GRIN3A: variants seen among roughly 807,000 people sequenced by gnomAD.
The protein encoded by GRIN3A is glutamate receptor ionotropic, NMDA 3A.
Under a neutral mutation model 92.4 loss-of-function variants are expected in GRIN3A, and 47 were observed. The ratio of observed to expected loss-of-function variants is 0.51; its 90% CI spans 0.40 to 0.65. The LOEUF (loss-of-function observed/expected upper bound fraction) is 0.65, where lower values mean the gene tolerates loss of function less well. Ranked by LOEUF, GRIN3A falls within the 30% of genes least tolerant of loss-of-function variation. The probability of loss-of-function intolerance (pLI) is 0.00; values close to 1 mark genes in which losing one functional copy is unlikely to be tolerated. For synonymous variants in GRIN3A, 527 were observed against 540.6 expected (o/e 0.97, Z 0.35); for missense variants, 1,324 against 1,393.1 (o/e 0.95, Z 0.79).
intron 6 of GRIN3A, among the ~76,000 whole-genome samples, chr9:101,588,695 G>A: frequency 6.6e-6 from 1 of 151,996 alleles, no homozygotes; most frequent in East Asian, 1.9e-4. Flanking sequence ...ATGACCATAT[G>A]CACACATATT....
intron 3 of GRIN3A, among the ~76,000 whole-genome samples, chr9:101,647,113 A>G (rs1828947959): frequency 1.3e-5 from 2 of 151,962 alleles, no homozygotes; most frequent in African/African-American, 2.4e-5. Context: ...CCCATTCAGT[A>G]TGATACTAGC....
At chr9:101,706,915 T>A (rs1291631815) in intron 1 of GRIN3A, among the ~76,000 whole-genome samples, 1 of 152,192 alleles carries the variant, frequency 6.6e-6, no homozygotes, top group Non-Finnish European at 1.5e-5. Context: ...GGGAGATTGA[T>A]CTCCCTTTTT....
chr9:101,610,574 C>CATCTATCT (rs145593614), intron 6 of GRIN3A, among the ~76,000 whole-genome samples: 2,315 of 139,438 alleles, frequency 0.017, 24 homozygotes, highest in East Asian at 0.02. Context: ...AGCTTGCATC[C>CATCTATCT]ATCTATCTAT....
intron 1 of GRIN3A, among the ~76,000 whole-genome samples, chr9:101,723,515 T>C (rs1410399928): frequency 6.6e-6 from 1 of 152,010 alleles, no homozygotes; most frequent in Non-Finnish European, 1.5e-5. Flanking sequence ...GCTTCCACAG[T>C]GTGGAAAGGG....
chr9:101,598,017 T>C (rs954674388), intron 6 of GRIN3A, among the ~76,000 whole-genome samples: 8 of 152,302 alleles, frequency 5.3e-5, no homozygotes, highest in African/African-American at 1.7e-4. Context: ...TGGTTCTCTG[T>C]GAGATCAGTA....
chr9:101,579,108 T>C, intron 7 of GRIN3A, 88 bp downstream of exon 7: 1 of 1,344,952 alleles, frequency 7.4e-7, no homozygotes, highest in South Asian at 1.2e-5. Flanking sequence ...TAACATAACT[T>C]AGTAGTCTGA....
Position 101,737,949 on chromosome 9 carries a change from T to A in GRIN3A, c.31A>T (p.Ser11Cys). The A allele has an allele frequency of 2.0e-6, 3 of 1,537,642 alleles. No individual in the cohort carries two copies. Among genetic ancestry groups the A allele is most frequent in the Non-Finnish European group, 2.6e-6 (3 of 1,148,490 alleles). Residue 11 changes from serine to cysteine, a missense_variant, in exon 1 of 9, where the codon AGC becomes TGC. Physicochemically the swap from Ser to Cys is moderately radical, Grantham distance 112. Coordinates refer to ENST00000361820, the MANE Select transcript of GRIN3A (RefSeq NM_133445.3). Reference sequence around the variant, plus strand: ...GGCGGCAACAGCAGACAGACCCTGCTCAGCAGCCACCACAAACTCAGTCTC... The same window carrying A: ...GGCGGCAACAGCAGACAGACCCTGCACAGCAGCCACCACAAACTCAGTCTC... MRRLSLWWLL[S>C]RVCLLLPPPC...
At chr9:101,659,321 T>C (rs1829137928) in intron 3 of GRIN3A, among the ~76,000 whole-genome samples, 1 of 151,552 alleles carries the variant, frequency 6.6e-6, no homozygotes, top group Admixed American at 6.6e-5. Flanking sequence ...TAAATATTTA[T>C]AGATATCTTA....
At chr9:101,665,524 A>T (rs538039745) in intron 3 of GRIN3A, among the ~76,000 whole-genome samples, 1 of 152,052 alleles carries the variant, frequency 6.6e-6, no homozygotes, top group Admixed American at 6.6e-5. Context: ...TGTAAGGGGA[A>T]CCATCCTAAT....
At chr9:101,612,628 G>T (rs1828381791) in intron 6 of GRIN3A, among the ~76,000 whole-genome samples, 1 of 151,952 alleles carries the variant, frequency 6.6e-6, no homozygotes, top group African/African-American at 2.4e-5. Context: ...GGCTGACCTT[G>T]TTCAGGTATA....
intron 6 of GRIN3A, among the ~76,000 whole-genome samples, chr9:101,582,580 A>G (rs778766858): frequency 1.3e-5 from 2 of 152,200 alleles, no homozygotes; most frequent in Non-Finnish European, 2.9e-5. Context: ...TAAACCTGAC[A>G]TGCAGAAAGT....
intron 8 of GRIN3A, among the ~76,000 whole-genome samples, chr9:101,576,659 T>C (rs931524869): frequency 1.3e-5 from 2 of 152,040 alleles, no homozygotes; most frequent in African/African-American, 4.8e-5. Context: ...ATAGAAAAAA[T>C]AGATGTAACA....
chr9:101,673,606 T>C (rs1228959933), intron 2 of GRIN3A, among the ~76,000 whole-genome samples: 1 of 152,164 alleles, frequency 6.6e-6, no homozygotes, highest in East Asian at 1.9e-4. Flanking sequence ...TAGCAAAATA[T>C]AAATGCTCAC....
intron 5 of GRIN3A, among the ~76,000 whole-genome samples, chr9:101,616,621 T>C (rs1346559408): frequency 6.6e-6 from 1 of 151,770 alleles, no homozygotes. Context: ...CAAGCCTTTT[T>C]CTTTTAAAGA....
chr9:101,633,470 A>T (rs989035703), intron 3 of GRIN3A, among the ~76,000 whole-genome samples: 1 of 152,166 alleles, frequency 6.6e-6, no homozygotes, highest in Non-Finnish European at 1.5e-5. Flanking sequence ...CTAATGTCTG[A>T]GTCATCAGTG....
At chr9:101,706,928 C>T (rs1455282468) in intron 1 of GRIN3A, among the ~76,000 whole-genome samples, 1 of 152,006 alleles carries the variant, frequency 6.6e-6, no homozygotes, top group African/African-American at 2.4e-5. Flanking sequence ...CCCTTTTTTC[C>T]CTTCTCACTT....
At chr9:101,674,116 T>C (rs1829362659) in intron 2 of GRIN3A, among the ~76,000 whole-genome samples, 1 of 151,918 alleles carries the variant, frequency 6.6e-6, no homozygotes, top group South Asian at 2.1e-4. Flanking sequence ...TGTGAGCTGT[T>C]TGACGATAAG....
At chr9:101,674,447 T>A (rs768004652) in intron 2 of GRIN3A, among the ~76,000 whole-genome samples, 1 of 151,824 alleles carries the variant, frequency 6.6e-6, no homozygotes, top group Non-Finnish European at 1.5e-5. Context: ...GGAGAGGAGA[T>A]GGTATAATCA....
rs748292080 is a variant in GRIN3A, at chr9:101,670,798, A to G, written c.1614T>C (p.Pro538=). The G allele has an allele frequency of 1.1e-5, 17 of 1,614,088 alleles. No individual in the cohort carries two copies. Among genetic ancestry groups the G allele is most frequent in the Non-Finnish European group, 1.4e-5 (16 of 1,179,974 alleles). The change falls in exon 3 of 9, where the codon CCT becomes CCC. Residue 538 remains proline, a synonymous_variant. Transcript: ENST00000361820. ...TREVDDEGLC[P]AGQLCLDPMT... Reference sequence around the variant, plus strand: ...TGGGGTCTAGACAGAGTTGGCCAGCAGGGCACAAGCCTTCATCATCTACCT... The same window carrying G: ...TGGGGTCTAGACAGAGTTGGCCAGCGGGGCACAAGCCTTCATCATCTACCT...
Sources: allele counts gnomAD v4.1 joint callset (sites outside exome capture counted in the v4.1 genomes callset), GRCh38; gene constraint gnomAD v4.1.1; transcripts MANE v1.5; gene names NCBI Gene and HGNC (gene_info 2026-07-23, HGNC 2026-07-21).